METTL15: variants seen among roughly 807,000 people sequenced by gnomAD.
METTL15 encodes the protein 12S rRNA N(4)-cytidine methyltransferase METTL15.
METTL15 carries 34 observed loss-of-function variants against 38.3 expected under a neutral mutation model. That is an observed-to-expected ratio of 0.89 (90% CI 0.68 to 1.18). The LOEUF (loss-of-function observed/expected upper bound fraction) is 1.18, where lower values mean the gene tolerates loss of function less well. Ranked by LOEUF, METTL15 falls within the 50% of genes most tolerant of loss-of-function variation. The pLI, the probability that METTL15 is intolerant of heterozygous loss-of-function variation, is 0.00. For missense variants in METTL15, 438 were observed against 498.4 expected (o/e 0.88, Z 1.15); for synonymous variants, 162 against 170.9 (o/e 0.95, Z 0.41).
At chr11:28,407,921 A>T (rs944120318) in intron 5 of METTL15, among the ~76,000 whole-genome samples, 1 of 152,332 alleles carries the variant, frequency 6.6e-6, no homozygotes, top group South Asian at 2.1e-4. Context: ...CCCATAAATG[A>T]TAGACTAGAT....
At chr11:28,346,679 C>A (rs1397238259) in intron 3 of METTL15, among the ~76,000 whole-genome samples, 7 of 152,228 alleles carry the variant, frequency 4.6e-5, no homozygotes, top group Non-Finnish European at 8.8e-5. Flanking sequence ...AAATACTTTA[C>A]AACAATAACA....
chr11:28,441,899 T>TA (rs1282838198), intron 6 of METTL15, among the ~76,000 whole-genome samples: 2 of 152,214 alleles, frequency 1.3e-5, no homozygotes, highest in Admixed American at 1.3e-4. Flanking sequence ...AAATACTAAT[T>TA]ACTCTCTAGC....
At chr11:28,296,717 G>A in intron 5 of METTL15, 36 bp from the exon 6 acceptor site, 2 of 1,607,394 alleles carry the variant, frequency 1.2e-6, no homozygotes, top group Non-Finnish European at 1.7e-6. Flanking sequence ...AATGAGAACT[G>A]ATGTCAGTGA....
intron 5 of METTL15, among the ~76,000 whole-genome samples, chr11:28,384,253 T>A (rs1850418084): frequency 6.6e-6 from 1 of 152,200 alleles, no homozygotes; most frequent in Admixed American, 6.6e-5. Context: ...CTGTTGTGTA[T>A]AGTGTGTAAG....
At chr11:28,441,824 C>T (rs1851037162) in intron 6 of METTL15, among the ~76,000 whole-genome samples, 2 of 152,172 alleles carry the variant, frequency 1.3e-5, no homozygotes, top group South Asian at 4.1e-4. Context: ...TGGGGCCCTT[C>T]CAATCAACCC....
chr11:28,402,425 T>C (rs1038558371), intron 5 of METTL15, among the ~76,000 whole-genome samples: 2 of 151,936 alleles, frequency 1.3e-5, no homozygotes, highest in African/African-American at 2.4e-5. Context: ...ATTCTCTGAC[T>C]TCAGGATAAA....
chr11:28,221,609 C>T (rs921849226), intron 4 of METTL15, among the ~76,000 whole-genome samples: 3 of 152,116 alleles, frequency 2.0e-5, no homozygotes, highest in African/African-American at 4.8e-5. Context: ...GCTGTGTTCC[C>T]TTGGAGGAGG....
chr11:28,507,820 T>C (rs1332725896), intron 6 of METTL15, among the ~76,000 whole-genome samples: 4 of 152,200 alleles, frequency 2.6e-5, no homozygotes, highest in Non-Finnish European at 5.9e-5. Context: ...CCTGAGACCA[T>C]CACACCTTTC....
At chr11:28,249,802 G>A (rs1441203914) in intron 4 of METTL15, among the ~76,000 whole-genome samples, 1 of 151,886 alleles carries the variant, frequency 6.6e-6, no homozygotes, top group East Asian at 1.9e-4. Flanking sequence ...ATGGAGGTTT[G>A]GCGTATAGAT....
chr11:28,325,549 A>AT (rs750320500), intron 6 of METTL15, among the ~76,000 whole-genome samples: 43 of 151,912 alleles, frequency 2.8e-4, no homozygotes, highest in Non-Finnish European at 5.2e-4. Context: ...TCATTCATCC[A>AT]TTTTTTTTCA....
At chr11:28,383,740 T>G (rs1037292621) in intron 5 of METTL15, among the ~76,000 whole-genome samples, 2 of 152,184 alleles carry the variant, frequency 1.3e-5, no homozygotes, top group African/African-American at 4.8e-5. Context: ...TTTCTTATGC[T>G]TTTTGGCCAT....
intron 4 of METTL15, among the ~76,000 whole-genome samples, chr11:28,268,278 A>C (rs1276142178): frequency 1.3e-5 from 2 of 151,362 alleles, no homozygotes; most frequent in African/African-American, 2.4e-5. Context: ...CTAGAATTTA[A>C]ATATTTTTAC....
intron 6 of METTL15, among the ~76,000 whole-genome samples, chr11:28,500,382 A>G (rs569445577): frequency 2.8e-4 from 43 of 152,356 alleles, no homozygotes; most frequent in African/African-American, 9.9e-4. Context: ...CCTATTCTAC[A>G]TCTGTTGAGG....
At chr11:28,324,306 T>G (rs1350062505) in intron 6 of METTL15, among the ~76,000 whole-genome samples, 1 of 152,224 alleles carries the variant, frequency 6.6e-6, no homozygotes, top group Non-Finnish European at 1.5e-5. Context: ...TTTTTAAAAC[T>G]TAAATTTCCA....
chr11:28,302,148 A>G (rs1040876963), intron 6 of METTL15, among the ~76,000 whole-genome samples: 1 of 152,032 alleles, frequency 6.6e-6, no homozygotes, highest in African/African-American at 2.4e-5. Flanking sequence ...CTTGGCTTCA[A>G]GCGATCCCCA....
At chr11:28,304,071 A>AT (rs933055136) in intron 6 of METTL15, among the ~76,000 whole-genome samples, 16 of 151,576 alleles carry the variant, frequency 1.1e-4, no homozygotes, top group East Asian at 9.7e-4. Flanking sequence ...TCTTGTAAGC[A>AT]TTTTTTTTTC....
intron 5 of METTL15, among the ~76,000 whole-genome samples, chr11:28,296,473 T>TA (rs1215282554): frequency 2.6e-5 from 4 of 152,112 alleles, no homozygotes; most frequent in African/African-American, 9.7e-5. Flanking sequence ...ACACAGGAAA[T>TA]AAAAATTTCT....
intron 5 of METTL15, among the ~76,000 whole-genome samples, chr11:28,380,244 T>A (rs1369451048): frequency 6.7e-6 from 1 of 148,212 alleles, no homozygotes; most frequent in Non-Finnish European, 1.5e-5. Flanking sequence ...CTCGGCTCAC[T>A]GCAAGCTCTG....
chr11:28,261,927 G>A (rs946105632), intron 4 of METTL15, among the ~76,000 whole-genome samples: 3 of 152,082 alleles, frequency 2.0e-5, no homozygotes, highest in Non-Finnish European at 4.4e-5. Flanking sequence ...CTATGTTTTT[G>A]TAGATGAAGA....
Sources: gnomAD v4.1 joint callset for allele counts (sites outside exome capture counted in the v4.1 genomes callset) on GRCh38, gnomAD v4.1.1 for gene constraint, MANE v1.5 for transcripts, NCBI Gene and HGNC (gene_info 2026-07-23, HGNC 2026-07-21) for gene names.